The following CAPN14 variants were observed in gnomAD, a reference collection of about 807,000 sequenced individuals.
CAPN14 encodes the protein calpain 14.
In CAPN14, 94 loss-of-function variants were observed where a neutral mutation model predicts 101.3. That is an observed-to-expected ratio of 0.93 (90% CI 0.79 to 1.10). The LOEUF is 1.10. Ranked by LOEUF, CAPN14 falls within the 50% of genes least tolerant of loss-of-function variation. CAPN14 has a pLI of 0.00. For missense variants in CAPN14, 837 were observed against 828.4 expected (o/e 1.01, Z -0.13); for synonymous variants, 338 against 317.9 (o/e 1.06, Z -0.67).
At chr2:31,195,184 T>A (rs1454711502) in intron 8 of CAPN14, among the ~76,000 whole-genome samples, 1 of 151,974 alleles carries the variant, frequency 6.6e-6, no homozygotes, top group East Asian at 1.9e-4. Context: ...AAAAAAGGAG[T>A]TCCAGGAAAC....
At chr2:31,191,760 G>C (rs1239453475) in intron 11 of CAPN14, among the ~76,000 whole-genome samples, 175 bp downstream of exon 11, 1 of 152,218 alleles carries the variant, frequency 6.6e-6, no homozygotes, top group African/African-American at 2.4e-5. Context: ...ATGGCCTAGT[G>C]CAAGAAGGTG....
upstream of CAPN14, among the ~76,000 whole-genome samples, chr2:31,218,381 T>C (rs1040658237): frequency 2.0e-5 from 3 of 151,910 alleles, no homozygotes; most frequent in Non-Finnish European, 2.9e-5. Flanking sequence ...ACCCAGGAGG[T>C]GCTCAATATG....
At chr2:31,207,674 G>T (rs1488556022) in intron 1 of CAPN14, among the ~76,000 whole-genome samples, 1 of 152,176 alleles carries the variant, frequency 6.6e-6, no homozygotes, top group East Asian at 1.9e-4. Context: ...GGCTGAGACA[G>T]GAGGATCACT....
intron 1 of CAPN14, among the ~76,000 whole-genome samples, chr2:31,211,288 C>CA (rs200144052): frequency 1.3e-5 from 2 of 150,360 alleles, no homozygotes; most frequent in East Asian, 2.0e-4. Flanking sequence ...AATCAGAAAG[C>CA]AAAAAAAATG....
chr2:31,177,738 G>A lies in CAPN14; in HGVS notation c.1855+8C>T, dbSNP rs1203153424. 1 of 1,549,980 alleles carries A rather than the reference G, an allele frequency of 6.5e-7. No individual in the cohort carries two copies. The highest frequency in any genetic ancestry group is 8.7e-7 in the Non-Finnish European group (1 of 1,145,304). On this transcript the variant is annotated splice_region_variant and intron_variant, in intron 19 of 21. Coordinates refer to ENST00000403897, the MANE Select transcript of CAPN14 (RefSeq NM_001145122.2). ...TGTGCCCACAGCTCCAGCTCTTCCT[G>A]TGCCTACCTGCCTCCCTCATGGCAG...
intron 16 of CAPN14, among the ~76,000 whole-genome samples, chr2:31,183,943 A>C (rs1558614139): frequency 6.7e-6 from 1 of 150,320 alleles, no homozygotes; most frequent in Non-Finnish European, 1.5e-5. Context: ...CTGGAGTGGC[A>C]CAATCTTGGC....
At chr2:31,181,518 T>A (rs1239080072) in intron 16 of CAPN14, among the ~76,000 whole-genome samples, 2 of 126,298 alleles carry the variant, frequency 1.6e-5, no homozygotes, top group Non-Finnish European at 3.1e-5. Context: ...TTCTTTTTTT[T>A]ATTTTTTTAT....
At chr2:31,209,218 C>T (rs1268632894) in intron 1 of CAPN14, among the ~76,000 whole-genome samples, 1 of 150,306 alleles carries the variant, frequency 6.7e-6, no homozygotes, top group Non-Finnish European at 1.5e-5. Context: ...GTCAGGCAGT[C>T]CTTCCACCTC....
intron 2 of CAPN14, among the ~76,000 whole-genome samples, chr2:31,223,731 T>C (rs1397851447): frequency 6.6e-6 from 1 of 152,072 alleles, no homozygotes; most frequent in Non-Finnish European, 1.5e-5. Context: ...GGTTTCACTA[T>C]GTTGGCCAGG....
At chr2:31,199,397 A>C in intron 7 of CAPN14, 73 bp downstream of exon 7, 1 of 1,288,876 alleles carries the variant, frequency 7.8e-7, no homozygotes, top group South Asian at 1.3e-5. Flanking sequence ...AACTAAATCC[A>C]CCAAGATAAG....
intron 2 of CAPN14, among the ~76,000 whole-genome samples, chr2:31,204,453 G>A (rs1289099123): frequency 6.6e-6 from 1 of 152,134 alleles, no homozygotes; most frequent in Admixed American, 6.5e-5. Context: ...GATAGGGTCT[G>A]GTCATTGGAA....
intron 11 of CAPN14, among the ~76,000 whole-genome samples, chr2:31,191,612 G>A (rs1681182443): frequency 2.6e-5 from 4 of 152,222 alleles, no homozygotes; most frequent in African/African-American, 9.6e-5. Flanking sequence ...GGAAAAGAGG[G>A]AGGGAAAGAA....
At chr2:31,193,683 G>A (rs1681326728) in intron 9 of CAPN14, among the ~76,000 whole-genome samples, 1 of 152,212 alleles carries the variant, frequency 6.6e-6, no homozygotes, top group African/African-American at 2.4e-5. Flanking sequence ...AATTCATGAA[G>A]ATCTTTGCCC....
chr2:31,226,742 G>A (rs899462322), intron 1 of CAPN14: 1 of 152,228 alleles, frequency 6.6e-6, no homozygotes, highest in African/African-American at 2.4e-5. Context: ...CCAGTGTGAT[G>A]GCTGCTCACC....
upstream of CAPN14, among the ~76,000 whole-genome samples, chr2:31,221,485 T>C (rs1236719949): frequency 3.9e-5 from 6 of 152,228 alleles, no homozygotes; most frequent in Non-Finnish European, 8.8e-5. Flanking sequence ...TCTTTGTTCC[T>C]GATATCATTT....
Position 31,194,419 on chromosome 2 carries a change from C to A in CAPN14, c.940G>T (p.Gly314Ter). The change falls in exon 9 of 22, where the codon GGA becomes TGA. Residue 314 changes from glycine to a stop codon, truncating the protein, a stop_gained. Coordinates refer to ENST00000403897, the MANE Select transcript of CAPN14 (RefSeq NM_001145122.2). LOFTEE classifies it high-confidence loss of function. ...CCCTAAGTCCAATACCAGAATTCTC[C>A]GTCATTGTCTTTCCTCAGAAGCAGA... is the stretch of plus-strand genomic sequence containing the variant. The part of the protein sequence containing the change: ...KILLLRKDND[G>*]EFWMTLQDFK... 1 of 1,550,936 alleles carries A rather than the reference C, an allele frequency of 6.4e-7. No homozygotes were observed. The highest frequency in any genetic ancestry group is 1.2e-5 in the South Asian group (1 of 84,050).
chr2:31,219,371 C>G (rs146116832), upstream of CAPN14, among the ~76,000 whole-genome samples: 105 of 152,322 alleles, frequency 6.9e-4, 1 homozygote, highest in Admixed American at 1.2e-3. Context: ...GACTGTCACC[C>G]AGGACAGACT....
rs144431145 is a variant in CAPN14 at position 31,230,057 on chromosome 2, G to A, written c.-176-3406C>T. On this transcript the variant is annotated intron_variant and NMD_transcript_variant, in intron 1 of 21. Coordinates refer to the CAPN14 transcript ENST00000398824. The surrounding 1 kb of genome is among the most constrained non-coding windows in gnomAD (Gnocchi z 4.3). ...TGTAACTTTCATTTTAGGTTCGGGG[G>A]TACATGTGAAGGTTTGTTATATAGG... 1.7e-3 allele frequency among the ~76,000 whole-genome samples: 265 copies of A among 152,266 alleles called. 10 individuals are homozygous for A. The East Asian group carries it at 0.045, about 26-fold the overall frequency.
At chr2:31,191,354 G>C in intron 12 of CAPN14, 45 bp downstream of exon 12, 1 of 1,534,622 alleles carries the variant, frequency 6.5e-7, no homozygotes, top group Non-Finnish European at 8.8e-7. Flanking sequence ...GGCCACATGT[G>C]ATGTCACCCC....
Sources: gnomAD v4.1 joint callset for allele counts (sites outside exome capture counted in the v4.1 genomes callset) on GRCh38, gnomAD v4.1.1 for gene constraint, Gnocchi (gnomAD v3.1) non-coding constraint, MANE v1.5 for transcripts, NCBI Gene and HGNC (gene_info 2026-07-23, HGNC 2026-07-21) for gene names.